Variants in SPG7 observed in about 807,000 individuals in gnomAD.
The protein encoded by SPG7 is mitochondrial inner membrane m-AAA protease component paraplegin.
A neutral mutation model predicts 81.9 loss-of-function variants in SPG7; 103 were observed. The ratio of observed to expected loss-of-function variants is 1.26; its 90% CI spans 1.07 to 1.48. The LOEUF is 1.48. Ranked by LOEUF, SPG7 falls within the 40% of genes most tolerant of loss-of-function variation. SPG7 has a pLI of 0.00. For missense variants in SPG7, 1,241 were observed against 1,087.3 expected (o/e 1.14, Z -1.99); for synonymous variants, 534 against 444.2 (o/e 1.20, Z -2.54).
intron 10 of SPG7, 67 bp downstream of exon 10, chr16:89,544,839 G>T (rs924107269): frequency 2.5e-6 from 4 of 1,589,556 alleles, no homozygotes; most frequent in Admixed American, 3.3e-5. Flanking sequence ...GAGTGGTCTG[G>T]CCTCTCCTCT....
intron 1 of SPG7, among the ~76,000 whole-genome samples, chr16:89,509,667 C>G (rs1305548276): frequency 6.6e-6 from 1 of 152,174 alleles, no homozygotes; most frequent in Non-Finnish European, 1.5e-5. Context: ...CTGGTGACAG[C>G]AGGAGCCCCG....
Position 89,556,915 on chromosome 16 carries a change from T to A in SPG7, c.2210T>A (p.Val737Glu). ...ALANALLEKE[V>E]INYEDIEALI... ...GCAAACGCCCTTCTGGAAAAGGAAG[T>A]GATAAACTATGAGGACATTGAGGCT... Residue 737 changes from valine to glutamate, a missense_variant, in exon 17 of 17, where the codon GTG becomes GAG. Val to Glu is a moderately radical substitution (Grantham distance 121). Transcript: ENST00000645818. 1 of 1,613,956 alleles carries A rather than the reference T, an allele frequency of 6.2e-7. No individual in the cohort carries two copies. The highest frequency in any genetic ancestry group is 8.5e-7 in the Non-Finnish European group (1 of 1,179,968).
rs1025218744 is a variant in SPG7, at chr16:89,529,399, C to T, written c.759-78C>T. On this transcript the variant is annotated intron_variant, in intron 5 of 16. Transcript: ENST00000645818. ...CGTCTCATCTTGGAAACATTGCCAG[C>T]AGTGGTTCTGATTTGGAAGCCTGCG... The T allele has an allele frequency of 5.7e-6, 5 of 874,124 alleles. No homozygotes were observed. The African/African-American group carries it at 6.6e-5, about 12-fold the overall frequency. 54.1% of individuals were successfully genotyped at this position (874,124 alleles called of 1,614,324 possible).
rs1392200494 is a variant in SPG7 at position 89,531,828 on chromosome 16, A to C, written c.988-76A>C. On this transcript the variant is annotated intron_variant, in intron 7 of 16. Coordinates refer to ENST00000645818, the MANE Select transcript of SPG7 (RefSeq NM_003119.4). Reference sequence around the variant, plus strand: ...CACTGCACTCCAGCCTGCGTGACCCAGAGAGACCTTACCTCTAAAAAACAA... The same window carrying C: ...CACTGCACTCCAGCCTGCGTGACCCCGAGAGACCTTACCTCTAAAAAACAA... 2.0e-6 allele frequency: 3 copies of C among 1,501,100 alleles called. No homozygotes were observed. The African/African-American group carries it at 4.1e-5, about 21-fold the overall frequency. 93.0% of individuals were successfully genotyped at this position (1,501,100 alleles called of 1,614,324 possible). A position where few individuals can be genotyped will look rare whatever the true frequency, so the allele number is the denominator to read the frequency against.
Position 89,536,760 on chromosome 16 carries a change from AC to A in SPG7, c.1324+4126del, listed in dbSNP as rs1340587240. 2.5e-6 allele frequency: 4 copies of A among 1,613,760 alleles called. No homozygotes were observed. The African/African-American group carries it at 5.3e-5, about 22-fold the overall frequency. The stretch of plus-strand genomic sequence containing the variant: ...TGTGAGTCTGCGGCCTTCTTCTCCA[AC>A]CAGGTGCCTCTCTTGACCAGCTACC... On this transcript the variant is annotated intron_variant, in intron 9 of 16. Coordinates refer to ENST00000645818, the MANE Select transcript of SPG7 (RefSeq NM_003119.4).
At chr16:89,518,847 G>T (rs1028284054) in intron 3 of SPG7, 19 of 152,362 alleles carry the variant, frequency 1.2e-4, no homozygotes, top group African/African-American at 4.6e-4. Context: ...CACACTGCGC[G>T]TGTGTCATGG....
At chr16:89,556,790 C>A in intron 16 of SPG7, 97 bp from the exon 17 acceptor site, 2 of 980,414 alleles carry the variant, frequency 2.0e-6, no homozygotes, top group Non-Finnish European at 3.3e-6. Flanking sequence ...GTGTCCTGCA[C>A]ACAGACAGGC....
At chr16:89,542,463 G>A (rs1019729492) in intron 9 of SPG7, among the ~76,000 whole-genome samples, 1 of 152,190 alleles carries the variant, frequency 6.6e-6, no homozygotes, top group Non-Finnish European at 1.5e-5. Flanking sequence ...CTTTGCCTTG[G>A]CGAGGTGATT....
intron 8 of SPG7, 110 bp downstream of exon 8, chr16:89,532,176 T>A: frequency 8.1e-7 from 1 of 1,230,732 alleles, no homozygotes; most frequent in Non-Finnish European, 1.2e-6. Context: ...GGTGGGGGAG[T>A]AGAGAAGGAA....
chr16:89,555,981 C>G (rs2058684613), intron 16 of SPG7: 1 of 398,780 alleles, frequency 2.5e-6, no homozygotes, highest in African/African-American at 2.1e-5. Flanking sequence ...CCGTCCCCGG[C>G]TGAAGCAGGC....
At chr16:89,529,864 A>G in intron 6 of SPG7, 1 of 435,044 alleles carries the variant, frequency 2.3e-6, no homozygotes, top group Non-Finnish European at 4.3e-6. Context: ...TTTGAGACGG[A>G]GTTTCGCCCT....
intron 12 of SPG7, chr16:89,550,234 A>G (rs1048097963): frequency 6.6e-5 from 28 of 422,150 alleles, no homozygotes; most frequent in Non-Finnish European, 1.1e-4. Flanking sequence ...GTGCAGTGGC[A>G]TGATCTTGCC....
chr16:89,530,511 CT>C lies in SPG7; in HGVS notation c.862-171del. ...TAATTAATGACGAAACATTTCCCTT[CT>C]GTGCTTGAAGACTGACTGTGAGCCT... On this transcript the variant is annotated intron_variant, in intron 6 of 16. Coordinates refer to ENST00000645818, the MANE Select transcript of SPG7 (RefSeq NM_003119.4). 1.1e-5 allele frequency: 8 copies of C among 756,526 alleles called. No homozygotes were observed. The South Asian group carries it at 1.2e-4, about 11-fold the overall frequency. 46.9% of individuals were successfully genotyped at this position (756,526 alleles called of 1,614,324 possible).
Position 89,508,403 on chromosome 16 carries a change from G to A in SPG7, c.-15G>A, listed in dbSNP as rs1168123672. ...AGCGCCCCGCGGATCACGCAGGCGC[G>A]GCTTTCAGGCCAACATGGCCGTGCT... On this transcript the variant is annotated 5_prime_UTR_variant, in exon 1 of 17. Coordinates refer to ENST00000645818, the MANE Select transcript of SPG7 (RefSeq NM_003119.4). 3.4e-6 allele frequency: 5 copies of A among 1,472,830 alleles called. No individual in the cohort carries two copies. The highest frequency in any genetic ancestry group is 3.6e-6 in the Non-Finnish European group (4 of 1,118,076). 91.2% of individuals were successfully genotyped at this position (1,472,830 alleles called of 1,614,324 possible).
At chr16:89,537,924 C>T (rs773224875) in intron 9 of SPG7, 19 of 289,038 alleles carry the variant, frequency 6.6e-5, no homozygotes, top group Non-Finnish European at 7.8e-5. Context: ...GGTAGATGGG[C>T]GCTGGCAGAG....
intron 13 of SPG7, chr16:89,551,320 T>C (rs1055851576): frequency 6.2e-6 from 1 of 160,692 alleles, no homozygotes; most frequent in African/African-American, 2.4e-5. Context: ...CTGCAAACAA[T>C]GCATACGCTG....
chr16:89,530,915 G>T (rs1239493295), intron 7 of SPG7, 107 bp downstream of exon 7: 1 of 1,504,712 alleles, frequency 6.6e-7, no homozygotes, highest in Admixed American at 1.7e-5. Context: ...CGTGTCGTGG[G>T]TTGGCGGTGA....
intron 9 of SPG7, chr16:89,537,256 G>C: frequency 7.2e-7 from 1 of 1,387,828 alleles, no homozygotes; most frequent in Non-Finnish European, 9.3e-7. Flanking sequence ...ACGTCAGCCG[G>C]TCCATGGCGG....
chr16:89,518,300 G>A (rs543901029), intron 3 of SPG7: 3 of 152,340 alleles, frequency 2.0e-5, no homozygotes, highest in African/African-American at 7.2e-5. Context: ...TGTAAGTAGT[G>A]GTTGCCCGAA....
Sources: allele counts gnomAD v4.1 joint callset (sites outside exome capture counted in the v4.1 genomes callset), GRCh38; gene constraint gnomAD v4.1.1; transcripts MANE v1.5; gene names NCBI Gene and HGNC (gene_info 2026-07-23, HGNC 2026-07-21).